SEMA3D: variants seen among roughly 807,000 people sequenced by gnomAD.
SEMA3D encodes semaphorin 3D.
SEMA3D carries 84 observed loss-of-function variants against 100.1 expected under a neutral mutation model. That is an observed-to-expected ratio of 0.84 (90% CI 0.70 to 1.01). The LOEUF (loss-of-function observed/expected upper bound fraction) is 1.01, where lower values mean the gene tolerates loss of function less well. Among genes scored for constraint, SEMA3D ranks in the 50% least tolerant of loss-of-function variants. The probability of loss-of-function intolerance (pLI) is 0.00; values close to 1 mark genes in which losing one functional copy is unlikely to be tolerated. For synonymous variants in SEMA3D, 312 were observed against 320.7 expected, an observed-to-expected ratio of 0.97 and a Z score of 0.29; for missense variants, 875 against 934.1, an observed-to-expected ratio of 0.94 and a Z score of 0.82.
At chr7:85,226,060 TC>T in the SEMA3D span, among the ~76,000 whole-genome samples, 1 of 152,250 alleles carries the variant, frequency 6.6e-6, no homozygotes, top group African/African-American at 2.4e-5. Flanking sequence ...GTTTAGCTCC[TC>T]CCCATCAAAT....
chr7:85,224,892 C>A, the SEMA3D span, among the ~76,000 whole-genome samples: 1 of 151,146 alleles, frequency 6.6e-6, no homozygotes, highest in African/African-American at 2.4e-5. Flanking sequence ...TATATTTATC[C>A]AAGAAGATTT....
At chr7:85,231,835 G>C in the SEMA3D span, among the ~76,000 whole-genome samples, 1 of 151,956 alleles carries the variant, frequency 6.6e-6, no homozygotes, top group Non-Finnish European at 1.5e-5. Flanking sequence ...CTTTCTTCAA[G>C]TCAGTTAGAG....
intron 12 of SEMA3D, among the ~76,000 whole-genome samples, chr7:85,035,414 A>G (rs1238952384): frequency 2.6e-5 from 4 of 151,978 alleles, no homozygotes; most frequent in Admixed American, 1.3e-4. Context: ...AAACAAGGAA[A>G]TTCTGCATAC....
At chr7:85,239,136 A>G in the SEMA3D span, among the ~76,000 whole-genome samples, 1 of 152,168 alleles carries the variant, frequency 6.6e-6, no homozygotes, top group Non-Finnish European at 1.5e-5. Context: ...TGTGTTAGGA[A>G]TCACCTGGGG....
chr7:85,027,155 G>C (rs529287384), intron 12 of SEMA3D, among the ~76,000 whole-genome samples: 1 of 152,128 alleles, frequency 6.6e-6, no homozygotes, highest in East Asian at 1.9e-4. Flanking sequence ...ACAACCGAAC[G>C]GTATGCCAGG....
At chr7:85,176,793 TAGAGAG>T (rs71297126) in intron 1 of SEMA3D, among the ~76,000 whole-genome samples, 119 of 149,970 alleles carry the variant, frequency 7.9e-4, no homozygotes, top group Non-Finnish European at 9.9e-4. Flanking sequence ...TATATATATA[TAGAGAG>T]AGAGAGAGAG....
chr7:85,233,235 G>A, the SEMA3D span, among the ~76,000 whole-genome samples: 6 of 150,550 alleles, frequency 4.0e-5, no homozygotes, highest in South Asian at 2.1e-4. Context: ...AACGGCTAGC[G>A]CGAATGAAAA....
rs1178574306 is a variant in SEMA3D at position 84,996,856 on chromosome 7, T to C, written c.*2584A>G. On this transcript the variant is annotated 3_prime_UTR_variant, in exon 19 of 19. Coordinates refer to ENST00000284136, the MANE Select transcript of SEMA3D (RefSeq NM_001384900.1). Reference sequence around the variant, plus strand: ...AAGGCAAATTTGATAAAATAGTCAGTGGTGAGGAAGTATATAGTGTGTTTG... The same window carrying C: ...AAGGCAAATTTGATAAAATAGTCAGCGGTGAGGAAGTATATAGTGTGTTTG... 2.6e-5 allele frequency: 4 copies of C among 151,990 alleles called. No individual in the cohort carries two copies. The highest frequency in any genetic ancestry group is 9.7e-5 in the African/African-American group (4 of 41,434). 9.4% of individuals were successfully genotyped at this position (151,990 alleles called of 1,614,324 possible). A position where few individuals can be genotyped will look rare whatever the true frequency, so the allele number is the denominator to read the frequency against.
At chr7:85,017,343 T>C (rs533727587) in intron 15 of SEMA3D, among the ~76,000 whole-genome samples, 12 of 151,916 alleles carry the variant, frequency 7.9e-5, no homozygotes, top group Admixed American at 7.9e-4. Flanking sequence ...GACACTCAGC[T>C]ATACTGTGAG....
chr7:85,166,689 C>A (rs1487847448), intron 1 of SEMA3D, among the ~76,000 whole-genome samples: 1 of 151,868 alleles, frequency 6.6e-6, no homozygotes, highest in Non-Finnish European at 1.5e-5. Context: ...CCAGGTGGGA[C>A]TAGGTTCACA....
intron 3 of SEMA3D, 93 bp from the exon 4 acceptor site, chr7:85,098,058 AAG>A (rs1156519399): frequency 1.7e-5 from 12 of 700,008 alleles, no homozygotes; most frequent in African/African-American, 5.5e-5. Context: ...AAAGAAAGGA[AAG>A]AGAGAAAAGG....
At chr7:85,119,356 A>G (rs926102804) in intron 3 of SEMA3D, among the ~76,000 whole-genome samples, 1 of 152,226 alleles carries the variant, frequency 6.6e-6, no homozygotes, top group African/African-American at 2.4e-5. Flanking sequence ...AAAGACATGG[A>G]ATCAACCTAA....
intron 12 of SEMA3D, among the ~76,000 whole-genome samples, chr7:85,030,944 A>T (rs892169812): frequency 7.6e-5 from 11 of 144,518 alleles, no homozygotes; most frequent in African/African-American, 2.4e-4. Flanking sequence ...GGCAATAATG[A>T]TTGAAAAAAT....
At position 85,065,431 on chromosome 7, in the gene SEMA3D, C is replaced by A. The variant is rs1416564167; in HGVS notation, c.711G>T (p.Trp237Cys). The change falls in exon 8 of 19, where the codon TGG becomes TGT. Residue 237 changes from tryptophan (W) to cysteine (C), a missense_variant. Trp to Cys is a radical substitution (Grantham distance 215). Transcript: ENST00000284136. ...YIRTDISEHY[W>C]LNGAKFIGTF... ...CAAAAAAAAATCACAAACCATTGAG[C>A]CAGTAGTGCTCTGAAATGTCAGTTC... 1.9e-6 allele frequency: 3 copies of A among 1,612,894 alleles called. No individual in the cohort carries two copies. The highest frequency in any genetic ancestry group is 1.7e-5 in the Admixed American group (1 of 59,878).
At chr7:85,174,437 T>C (rs575084303) in intron 1 of SEMA3D, among the ~76,000 whole-genome samples, 3 of 152,280 alleles carry the variant, frequency 2.0e-5, no homozygotes, top group South Asian at 2.1e-4. Flanking sequence ...AGCTTTGTGA[T>C]AAGATCCATA....
chr7:85,103,581 G>T (rs940084581), intron 3 of SEMA3D, among the ~76,000 whole-genome samples: 14 of 151,928 alleles, frequency 9.2e-5, no homozygotes, highest in African/African-American at 1.5e-4. Context: ...GGTCCTAAAT[G>T]ACTCCTTTGT....
chr7:85,067,260 G>A (rs1300200254), intron 7 of SEMA3D, among the ~76,000 whole-genome samples: 2 of 152,060 alleles, frequency 1.3e-5, no homozygotes. Context: ...CATCAGGAGA[G>A]TAACAACTGC....
the SEMA3D span, among the ~76,000 whole-genome samples, chr7:85,229,009 T>C: frequency 2.0e-5 from 3 of 152,036 alleles, no homozygotes; most frequent in African/African-American, 7.2e-5. Context: ...ATTGTTTCAA[T>C]GATTTTTTTT....
intron 2 of SEMA3D, among the ~76,000 whole-genome samples, chr7:85,131,195 G>A (rs534475761): frequency 5.4e-4 from 82 of 152,154 alleles, no homozygotes; most frequent in African/African-American, 1.9e-3. Context: ...AGTTTGTAAG[G>A]CCTGTAAAGC....
Sources: gnomAD v4.1 joint callset for allele counts (sites outside exome capture counted in the v4.1 genomes callset) on GRCh38, gnomAD v4.1.1 for gene constraint, MANE v1.5 for transcripts, NCBI Gene and HGNC (gene_info 2026-07-23, HGNC 2026-07-21) for gene names.